SGK1: variants seen among roughly 807,000 people sequenced by gnomAD.
SGK1 encodes serine/threonine-protein kinase Sgk1.
Under a neutral mutation model 64.2 loss-of-function variants are expected in SGK1, and 26 were observed. The observed-to-expected ratio is 0.40, with a 90% CI of 0.30 to 0.56. The LOEUF is 0.56. Ranked by LOEUF, SGK1 falls within the 20% of genes least tolerant of loss-of-function variation. The pLI, the probability that SGK1 is intolerant of heterozygous loss-of-function variation, is 0.38. For synonymous variants in SGK1, 265 were observed against 239.7 expected, an observed-to-expected ratio of 1.11 and a Z score of -0.98; for missense variants, 519 against 645.6, an observed-to-expected ratio of 0.80 and a Z score of 2.12.
At chr6:134,241,509 G>A (rs190689387) in intron 2 of SGK1, among the ~76,000 whole-genome samples, 1 of 151,702 alleles carries the variant, frequency 6.6e-6, no homozygotes, top group Admixed American at 6.6e-5. Context: ...ATCTATCTGG[G>A]GAATGCTGAG....
In SGK1 at chr6:134,262,061, T is replaced by G; in HGVS notation, c.157A>C (p.Ile53Leu). ...LKYTGSSMVH[I>L]PPGEPDFESS... ...TCGAAGTCTGGCTCCCCTGGAGGGA[T>G]GTGCACCATGGAGGAGCCGGTGTAC... The change falls in exon 2 of 14, where the codon ATC (isoleucine) becomes CTC (leucine). Residue 53 changes from isoleucine (I) to leucine (L), a missense_variant. Transcript: ENST00000367858. 1 of 1,613,840 alleles carries G rather than the reference T, an allele frequency of 6.2e-7. No individual in the cohort carries two copies. Among genetic ancestry groups the G allele is most frequent in the Non-Finnish European group, 8.5e-7 (1 of 1,179,720 alleles).
In SGK1 at chr6:134,264,648, TG is replaced by T. The variant is rs1356059243; in HGVS notation, c.70-2501del. 3.5e-3 allele frequency among the ~76,000 whole-genome samples: 369 copies of T among 105,256 alleles called. 1 individual carries two copies. Among genetic ancestry groups the T allele is most frequent in the African/African-American group, 0.016 (340 of 21,214 alleles). The allele number at this position is 105,256 out of a possible 152,430, so 69.1% of individuals were successfully genotyped here. On this transcript the variant is annotated intron_variant, in intron 1 of 13. Transcript: ENST00000367858. ...CTACAATTATTATTATTATTATTTT[TG>T]TTGTTGTTGTTGTTAAAGGGTCTTG...
intron 3 of SGK1, among the ~76,000 whole-genome samples, chr6:134,191,903 C>T (rs1322210699): frequency 1.5e-5 from 2 of 134,776 alleles, no homozygotes; most frequent in Non-Finnish European, 3.1e-5. Flanking sequence ...GGTGTGACCT[C>T]GGCTCACTGA....
intron 2 of SGK1, among the ~76,000 whole-genome samples, chr6:134,232,399 G>A (rs9376019): frequency 9.7e-5 from 1 of 10,346 alleles, no homozygotes; most frequent in African/African-American, 1.7e-4. Context: ...AAAGAAAGAA[G>A]AAAAAGAAAG....
chr6:134,297,971 G>T, intron 1 of SGK1: 1 of 814,258 alleles, frequency 1.2e-6, no homozygotes. Context: ...CCGGGGAGCG[G>T]CTGTTGTCCA....
At chr6:134,241,643 T>C (rs1389164838) in intron 2 of SGK1, among the ~76,000 whole-genome samples, 1 of 151,930 alleles carries the variant, frequency 6.6e-6, no homozygotes, top group Non-Finnish European at 1.5e-5. Flanking sequence ...TTTTTTGAGA[T>C]GGAGTCTCGC....
chr6:134,174,612 G>T (rs1416253047), intron 3 of SGK1, 26 bp from the exon 4 acceptor site: 1 of 1,610,392 alleles, frequency 6.2e-7, no homozygotes. Flanking sequence ...GAGAAATAAA[G>T]AAACGTTTAG....
In SGK1 at chr6:134,170,759, G is replaced by A; in HGVS notation, c.1413+67C>T. 2.8e-6 allele frequency: 3 copies of A among 1,061,700 alleles called. No homozygotes were observed. The South Asian group carries it at 4.2e-5, about 15-fold the overall frequency. 65.8% of individuals were successfully genotyped at this position (1,061,700 alleles called of 1,614,324 possible). A position where few individuals can be genotyped will look rare whatever the true frequency, so the allele number is the denominator to read the frequency against. On this transcript the variant is annotated intron_variant, in intron 13 of 13. Coordinates refer to ENST00000367858, the MANE Select transcript of SGK1 (RefSeq NM_001143676.3). ...ATGTATTCCTTCCAACCCTCCCCCA[G>A]ACAATTCTGAATTAAAATAAATGCC...
chr6:134,268,335 C>T (rs1582753419), intron 1 of SGK1, among the ~76,000 whole-genome samples: 1 of 152,174 alleles, frequency 6.6e-6, no homozygotes, highest in East Asian at 1.9e-4. Context: ...CCTGGGCCAC[C>T]TGGGCCCTAG....
At chr6:134,249,323 C>G (rs1042966771) in intron 2 of SGK1, 2 of 152,154 alleles carry the variant, frequency 1.3e-5, no homozygotes, top group African/African-American at 4.8e-5. Context: ...TGTGAAAACC[C>G]TTAATAACCC....
intron 2 of SGK1, among the ~76,000 whole-genome samples, chr6:134,214,498 G>A (rs770483729): frequency 9.9e-5 from 15 of 152,058 alleles, no homozygotes; most frequent in Non-Finnish European, 2.1e-4. Flanking sequence ...GGCTGAGGCA[G>A]GAGAATCCCT....
intron 2 of SGK1, among the ~76,000 whole-genome samples, chr6:134,248,487 T>C (rs1776559174): frequency 6.8e-6 from 1 of 147,414 alleles, no homozygotes; most frequent in Non-Finnish European, 1.5e-5. Flanking sequence ...AGAGTCCCTC[T>C]GTCGCCCAGG....
At chr6:134,191,839 T>A (rs1393565948) in intron 3 of SGK1, among the ~76,000 whole-genome samples, 1 of 121,094 alleles carries the variant, frequency 8.3e-6, no homozygotes, top group African/African-American at 3.1e-5. Flanking sequence ...CGGCTGATTT[T>A]TTTTTTTTTT....
At chr6:134,200,334 T>C (rs1775661362) in intron 3 of SGK1, among the ~76,000 whole-genome samples, 1 of 152,202 alleles carries the variant, frequency 6.6e-6, no homozygotes, top group Admixed American at 6.6e-5. Context: ...ATGCCACTTT[T>C]ATGTTATAAT....
chr6:134,214,277 A>G, intron 2 of SGK1, among the ~76,000 whole-genome samples: 1 of 152,106 alleles, frequency 6.6e-6, no homozygotes, highest in African/African-American at 2.4e-5. Context: ...CCATGCCATT[A>G]TCACAACTAA....
intron 1 of SGK1, among the ~76,000 whole-genome samples, chr6:134,309,942 C>T (rs1777586690): frequency 6.6e-6 from 1 of 152,176 alleles, no homozygotes; most frequent in African/African-American, 2.4e-5. Flanking sequence ...AATATTTGCT[C>T]TAGCGAACTA....
intron 2 of SGK1, among the ~76,000 whole-genome samples, chr6:134,223,610 A>G (rs1007815168): frequency 2.6e-5 from 4 of 152,100 alleles, no homozygotes; most frequent in Admixed American, 2.6e-4. Flanking sequence ...AAATGTTCCT[A>G]CTCTTTCCTA....
chr6:134,286,468 A>C (rs1478814965), intron 1 of SGK1, among the ~76,000 whole-genome samples: 4 of 151,392 alleles, frequency 2.6e-5, no homozygotes, highest in Admixed American at 2.0e-4. Flanking sequence ...GTCTAAAAAC[A>C]AAATACAATA....
chr6:134,170,217 A>C lies in SGK1; in HGVS notation c.*51T>G, dbSNP rs769476003. Reference sequence around the variant, plus strand: ...GGCGGCTCCACCAAAAGGCTAACTAAAACATTCGGAAACACACATAAAATC... The same window carrying C: ...GGCGGCTCCACCAAAAGGCTAACTACAACATTCGGAAACACACATAAAATC... On this transcript the variant is annotated 3_prime_UTR_variant, in exon 14 of 14. Transcript: ENST00000367858. 1.3e-6 allele frequency: 2 copies of C among 1,513,738 alleles called. No individual in the cohort carries two copies. The highest frequency in any genetic ancestry group is 1.4e-5 in the African/African-American group (1 of 72,154). The allele number at this position is 1,513,738 out of a possible 1,614,324, so 93.8% of individuals were successfully genotyped here.
Sources: allele counts gnomAD v4.1 joint callset (sites outside exome capture counted in the v4.1 genomes callset), GRCh38; gene constraint gnomAD v4.1.1; transcripts MANE v1.5; gene names NCBI Gene and HGNC (gene_info 2026-07-23, HGNC 2026-07-21).